MARK2: variants seen among roughly 807,000 people sequenced by gnomAD.
MARK2 encodes the protein serine/threonine-protein kinase MARK2.
In MARK2, 16 loss-of-function variants were observed where a neutral mutation model predicts 89.8. The ratio of observed to expected loss-of-function variants is 0.18; its 90% CI spans 0.12 to 0.27. MARK2 has a LOEUF of 0.27. Ranked by LOEUF, MARK2 falls within the 10% of genes least tolerant of loss-of-function variation. MARK2 has a pLI of 1.00. For missense variants in MARK2, 621 were observed against 1,049.9 expected (o/e 0.59, Z 5.65); for synonymous variants, 382 against 399.5 (o/e 0.96, Z 0.52).
At chr11:63,885,778 G>A (rs1254427940) in intron 1 of MARK2, among the ~76,000 whole-genome samples, 1 of 151,548 alleles carries the variant, frequency 6.6e-6, no homozygotes, top group East Asian at 2.0e-4. Context: ...AGGTTGCAGT[G>A]AGCCGAGATC....
intron 1 of MARK2, among the ~76,000 whole-genome samples, chr11:63,894,455 G>T (rs1417512771): frequency 6.6e-6 from 1 of 152,194 alleles, no homozygotes; most frequent in African/African-American, 2.4e-5. Flanking sequence ...CCAGCACTTT[G>T]GGAGGCCAAG....
At chr11:63,905,114 G>T in intron 16 of MARK2, 71 bp downstream of exon 16, 2 of 1,450,926 alleles carry the variant, frequency 1.4e-6, no homozygotes, top group South Asian at 1.2e-5. Context: ...GTGGGTTGGG[G>T]GTTGGGGGTT....
At chr11:63,889,432 G>A (rs1301093686) in intron 1 of MARK2, among the ~76,000 whole-genome samples, 3 of 152,256 alleles carry the variant, frequency 2.0e-5, no homozygotes, top group African/African-American at 7.2e-5. Context: ...CCTGAATGCA[G>A]AGCCCCAAAG....
intron 1 of MARK2, among the ~76,000 whole-genome samples, chr11:63,865,349 C>G (rs915134787): frequency 1.3e-5 from 2 of 152,150 alleles, no homozygotes; most frequent in African/African-American, 4.8e-5. Flanking sequence ...AGCGACCCTC[C>G]CACCTCAGCC....
chr11:63,901,132 C>G, intron 11 of MARK2, 63 bp downstream of exon 11: 1 of 1,061,646 alleles, frequency 9.4e-7, no homozygotes, highest in South Asian at 1.3e-5. Flanking sequence ...ACCTATGCTT[C>G]TAACACCTGT....
intron 1 of MARK2, among the ~76,000 whole-genome samples, chr11:63,850,543 A>G (rs1486782838): frequency 6.6e-6 from 1 of 151,738 alleles, no homozygotes; most frequent in African/African-American, 2.4e-5. Flanking sequence ...TTCTGAGAAC[A>G]CTTTTAGCTC....
At position 63,904,053 on chromosome 11, in the gene MARK2, C is replaced by A. The variant is rs972173237; in HGVS notation, c.1582C>A (p.Arg528Ser). 2 of 1,608,848 alleles carry A rather than the reference C, an allele frequency of 1.2e-6. No homozygotes were observed. The highest frequency in any genetic ancestry group is 1.7e-5 in the Admixed American group (1 of 59,970). ...TGCCGCAGTCTCTGCGGCCCGGCCCCGCCAGCACCAGAAATCCATGTCGGC... is the reference window on the plus strand; with the variant it reads ...TGCCGCAGTCTCTGCGGCCCGGCCCAGCCAGCACCAGAAATCCATGTCGGC... ...ASAAVSAARP[R>S]QHQKSMSASV... The change falls in exon 15 of 19, where the codon CGC becomes AGC. Residue 528 changes from arginine (R) to serine (S), a missense_variant. Physicochemically the swap from Arg to Ser is moderately radical, Grantham distance 110 (BLOSUM62 -1). Coordinates refer to ENST00000402010, the MANE Select transcript of MARK2 (RefSeq NM_001039469.3). This position sits in a 1 kb window ranked among gnomAD's most constrained non-coding sequence, Gnocchi z 6.3.
intron 1 of MARK2, among the ~76,000 whole-genome samples, chr11:63,861,359 C>T (rs142253180): frequency 1.9e-4 from 29 of 152,116 alleles, no homozygotes; most frequent in African/African-American, 5.8e-4. Context: ...TGCTTGACCC[C>T]GGGAGGTGGA....
intron 1 of MARK2, among the ~76,000 whole-genome samples, chr11:63,863,947 T>TG (rs1937973960): frequency 6.6e-6 from 1 of 151,914 alleles, no homozygotes; most frequent in African/African-American, 2.4e-5. Flanking sequence ...AATTTTTTTA[T>TG]TTTTATTTAT....
At chr11:63,864,101 C>T (rs995518550) in intron 1 of MARK2, among the ~76,000 whole-genome samples, 5 of 149,572 alleles carry the variant, frequency 3.3e-5, no homozygotes, top group Non-Finnish European at 7.4e-5. Context: ...CTACAGGCGC[C>T]CGCCACCACT....
At chr11:63,876,368 A>G (rs1326093215) in intron 1 of MARK2, among the ~76,000 whole-genome samples, 1 of 152,238 alleles carries the variant, frequency 6.6e-6, no homozygotes, top group Non-Finnish European at 1.5e-5. Flanking sequence ...AAGTTGGGAA[A>G]GGATATGTAA....
At chr11:63,850,416 C>T (rs1243200011) in intron 1 of MARK2, among the ~76,000 whole-genome samples, 1 of 150,180 alleles carries the variant, frequency 6.7e-6, no homozygotes, top group Non-Finnish European at 1.5e-5. Flanking sequence ...ATCTGCCCAC[C>T]TCGGCCTCCC....
At chr11:63,873,007 G>A (rs189023955) in intron 1 of MARK2, among the ~76,000 whole-genome samples, 2 of 151,294 alleles carry the variant, frequency 1.3e-5, no homozygotes, top group Admixed American at 1.3e-4. Flanking sequence ...ATTCCGGGGC[G>A]CATGAGTATG....
At chr11:63,881,151 A>AT (rs1273356027) in intron 1 of MARK2, among the ~76,000 whole-genome samples, 6 of 151,688 alleles carry the variant, frequency 4.0e-5, no homozygotes, top group African/African-American at 7.3e-5. Flanking sequence ...AAAAAAAAAA[A>AT]CAAATTAGCC....
rs193170530 is a variant in MARK2 at position 63,846,994 on chromosome 11, C to T, written c.54+7434C>T. 2.0e-3 allele frequency among the ~76,000 whole-genome samples: 305 copies of T among 152,292 alleles called. 3 individuals carry two copies. Among genetic ancestry groups the T allele is most frequent in the African/African-American group, 7.1e-3 (295 of 41,564 alleles). ...AAAAAGTTACCTGGGTGTGGTAGCA[C>T]ATGCGTGTATCCCACCTACTCAGAA... On this transcript the variant is annotated intron_variant, in intron 1 of 18. Coordinates refer to ENST00000402010, the MANE Select transcript of MARK2 (RefSeq NM_001039469.3).
At chr11:63,862,451 C>CAG (rs1322454635) in intron 1 of MARK2, among the ~76,000 whole-genome samples, 1 of 110,218 alleles carries the variant, frequency 9.1e-6, no homozygotes, top group Non-Finnish European at 2.0e-5. Context: ...CAGTGTGAGG[C>CAG]AGATGTCTTG....
intron 1 of MARK2, among the ~76,000 whole-genome samples, chr11:63,854,986 G>A (rs1417210755): frequency 1.3e-5 from 2 of 152,080 alleles, no homozygotes; most frequent in African/African-American, 4.8e-5. Flanking sequence ...TTGTTCATAT[G>A]GACATTTTAT....
intron 1 of MARK2, among the ~76,000 whole-genome samples, chr11:63,862,306 T>C (rs1162200932): frequency 6.6e-6 from 1 of 152,184 alleles, no homozygotes; most frequent in African/African-American, 2.4e-5. Context: ...ATAACTTGTT[T>C]AAGGCTACAA....
intron 1 of MARK2, among the ~76,000 whole-genome samples, chr11:63,845,224 T>A (rs1336795195): frequency 1.3e-5 from 2 of 152,272 alleles, no homozygotes; most frequent in South Asian, 4.1e-4. Context: ...GGACTGGAGC[T>A]ACTAGGCCTC....
Sources: gnomAD v4.1 joint callset for allele counts (sites outside exome capture counted in the v4.1 genomes callset) on GRCh38, gnomAD v4.1.1 for gene constraint, Gnocchi (gnomAD v3.1) non-coding constraint, MANE v1.5 for transcripts, NCBI Gene and HGNC (gene_info 2026-07-23, HGNC 2026-07-21) for gene names.